The following CALD1 variants were observed in gnomAD, a reference collection of about 807,000 sequenced individuals.
CALD1 encodes caldesmon.
CALD1 carries 33 observed loss-of-function variants against 99.9 expected under a neutral mutation model. The ratio of observed to expected loss-of-function variants is 0.33; its 90% CI spans 0.25 to 0.44. CALD1 has a LOEUF of 0.44. Among genes scored for constraint, CALD1 ranks in the 20% least tolerant of loss-of-function variants. The probability of loss-of-function intolerance (pLI) is 1.00; values close to 1 mark genes in which losing one functional copy is unlikely to be tolerated. For synonymous variants in CALD1, 310 were observed against 325.0 expected, an observed-to-expected ratio of 0.95 and a Z score of 0.50; for missense variants, 861 against 962.1, an observed-to-expected ratio of 0.89 and a Z score of 1.39.
intron 1 of CALD1, among the ~76,000 whole-genome samples, chr7:134,839,401 C>T (rs1196804088): frequency 6.6e-6 from 1 of 152,146 alleles, no homozygotes; most frequent in Non-Finnish European, 1.5e-5. Context: ...TGAATATATG[C>T]ATGGACTTTT....
chr7:134,890,937 G>A (rs1159386629), intron 3 of CALD1, among the ~76,000 whole-genome samples: 1 of 152,128 alleles, frequency 6.6e-6, no homozygotes, highest in East Asian at 1.9e-4. Context: ...TCCTTCCCTG[G>A]ATAAAAGGGA....
intron 1 of CALD1, among the ~76,000 whole-genome samples, chr7:134,763,917 C>CAAA (rs34036528): frequency 8.8e-4 from 91 of 103,370 alleles, no homozygotes; most frequent in African/African-American, 3.4e-3. Flanking sequence ...GACTCCATCT[C>CAAA]AAAAAAAAAA....
At chr7:134,716,009 C>G in the CALD1 span, among the ~76,000 whole-genome samples, 1 of 151,980 alleles carries the variant, frequency 6.6e-6, no homozygotes, top group Admixed American at 6.6e-5. Flanking sequence ...GCACAATGTG[C>G]AGGTTAGTTA....
At chr7:134,891,598 G>A (rs774093441) in intron 3 of CALD1, 6 of 1,602,742 alleles carry the variant, frequency 3.7e-6, no homozygotes, top group Non-Finnish European at 1.7e-6. Flanking sequence ...TCTCTGCCCC[G>A]CCGCCCCTTC....
rs900997776 is a variant in CALD1, at chr7:134,970,265, G to A, written c.*1920G>A. ...AGTTTGAATTAAGGCCTATGGTAAG[G>A]TAACATTGCTTTGTTGTACTTTTGA... is the stretch of plus-strand genomic sequence containing the variant. On this transcript the variant is annotated 3_prime_UTR_variant, in exon 15 of 15. Transcript: ENST00000361675. 3 of 152,184 alleles carry A rather than the reference G, an allele frequency of 2.0e-5. No homozygotes were observed. The highest frequency in any genetic ancestry group is 4.8e-5 in the African/African-American group (2 of 41,436). 9.4% of individuals were successfully genotyped at this position (152,184 alleles called of 1,614,324 possible). A position where few individuals can be genotyped will look rare whatever the true frequency, so the allele number is the denominator to read the frequency against.
intron 1 of CALD1, among the ~76,000 whole-genome samples, chr7:134,840,971 G>C (rs921035231): frequency 1.3e-5 from 2 of 152,048 alleles, no homozygotes; most frequent in African/African-American, 4.8e-5. Context: ...AGAAGGAGTC[G>C]GGATAGGTGG....
rs550207616 is a variant in CALD1, at chr7:134,803,604, G to T, written c.-130+23855G>T. On this transcript the variant is annotated intron_variant, in intron 1 of 14. Transcript: ENST00000361675. ...ATTTTTCCCATTCATTTATCCAATT[G>T]TTCCAGAACAATCTGTCAAAAAACC... is the stretch of plus-strand genomic sequence containing the variant. Among the ~76,000 whole-genome samples the T allele has an allele frequency of 7.3e-5, 11 of 151,636 alleles. No individual in the cohort carries two copies. In the South Asian group the frequency reaches 2.3e-3, roughly 32 times the overall value.
intron 1 of CALD1, among the ~76,000 whole-genome samples, chr7:134,766,254 C>T (rs562475625): frequency 1.2e-4 from 18 of 147,636 alleles, no homozygotes; most frequent in Middle Eastern, 3.5e-3. Flanking sequence ...TGGGTTCAAC[C>T]GATTCTCCTG....
intron 7 of CALD1, among the ~76,000 whole-genome samples, chr7:134,944,224 G>A (rs1460132220): frequency 6.6e-6 from 1 of 152,120 alleles, no homozygotes; most frequent in Non-Finnish European, 1.5e-5. Context: ...AAGTTTACCT[G>A]TAACTGGCAT....
chr7:134,759,285 A>C (rs1226158123), intron 1 of CALD1, among the ~76,000 whole-genome samples: 2 of 152,238 alleles, frequency 1.3e-5, no homozygotes, highest in African/African-American at 4.8e-5. Flanking sequence ...TGTCTTCAAA[A>C]GTCTAAGTGC....
At chr7:134,755,281 G>A (rs374314994) in intron 1 of CALD1, among the ~76,000 whole-genome samples, 5 of 152,214 alleles carry the variant, frequency 3.3e-5, no homozygotes, top group African/African-American at 9.6e-5. Flanking sequence ...GATTACGGGC[G>A]TGAGCCACCA....
intron 7 of CALD1, among the ~76,000 whole-genome samples, chr7:134,946,785 A>C (rs993774732): frequency 1.1e-4 from 16 of 151,752 alleles, no homozygotes; most frequent in African/African-American, 3.9e-4. Flanking sequence ...GGCTCAAGCA[A>C]TTCTCCTGCC....
the CALD1 span, among the ~76,000 whole-genome samples, chr7:134,733,718 A>G: frequency 6.6e-6 from 1 of 151,934 alleles, no homozygotes; most frequent in Non-Finnish European, 1.5e-5. Flanking sequence ...CTGAGGCAGG[A>G]GAATGGTGTG....
rs1808881024 is a variant in CALD1, at chr7:134,969,133, T to C, written c.*788T>C. The stretch of plus-strand genomic sequence containing the variant: ...GTAGTATGTCATTGTAACTAGCCAA[T>C]ATCACAGCTTTTGAAAAATTAAAAA... On this transcript the variant is annotated 3_prime_UTR_variant, in exon 15 of 15. Transcript: ENST00000361675. 6.5e-6 allele frequency: 1 copy of C among 152,714 alleles called. No homozygotes were observed. Among genetic ancestry groups the C allele is most frequent in the South Asian group, 2.1e-4 (1 of 4,832 alleles). The allele number at this position is 152,714 out of a possible 1,614,324, so 9.5% of individuals were successfully genotyped here.
chr7:134,786,955 G>C (rs561574745), intron 1 of CALD1, among the ~76,000 whole-genome samples: 1 of 152,268 alleles, frequency 6.6e-6, no homozygotes, highest in South Asian at 2.1e-4. Context: ...TGATTCGGTA[G>C]GTCTAGAAGG....
the CALD1 span, among the ~76,000 whole-genome samples, chr7:134,732,328 G>A: frequency 6.6e-6 from 1 of 152,168 alleles, no homozygotes; most frequent in Non-Finnish European, 1.5e-5. Flanking sequence ...GACCTGCTAT[G>A]GTCTGAATGT....
At chr7:134,959,504 G>C (rs555719520) in intron 11 of CALD1, among the ~76,000 whole-genome samples, 24 of 152,136 alleles carry the variant, frequency 1.6e-4, no homozygotes, top group African/African-American at 5.3e-4. Context: ...ACTATGCCTG[G>C]CTAATTTTTT....
At chr7:134,748,800 T>G (rs1161766615) in intron 1 of CALD1, among the ~76,000 whole-genome samples, 1 of 151,450 alleles carries the variant, frequency 6.6e-6, no homozygotes, top group Non-Finnish European at 1.5e-5. Flanking sequence ...TGTTTGTTTC[T>G]CCTCCAAAAT....
chr7:134,773,085 G>C (rs551633494), intron 1 of CALD1, among the ~76,000 whole-genome samples: 1 of 152,234 alleles, frequency 6.6e-6, no homozygotes, highest in East Asian at 1.9e-4. Flanking sequence ...GGGCCCTTTG[G>C]ATCTGGAAAC....
Sources: gnomAD v4.1 joint callset for allele counts (sites outside exome capture counted in the v4.1 genomes callset) on GRCh38, gnomAD v4.1.1 for gene constraint, MANE v1.5 for transcripts, NCBI Gene and HGNC (gene_info 2026-07-23, HGNC 2026-07-21) for gene names.